The following CD200R1 variants were observed in gnomAD, a reference collection of about 807,000 sequenced individuals.
The protein encoded by CD200R1 is cell surface glycoprotein CD200 receptor 1.
Under a neutral mutation model 38.1 loss-of-function variants are expected in CD200R1, and 30 were observed. The ratio of observed to expected loss-of-function variants is 0.79; its 90% CI spans 0.59 to 1.07. The LOEUF (loss-of-function observed/expected upper bound fraction) is 1.07. Ranked by LOEUF, CD200R1 falls within the 50% of genes least tolerant of loss-of-function variation. The pLI is 0.00. For missense variants in CD200R1, 372 were observed against 415.4 expected (o/e 0.90, Z 0.91); for synonymous variants, 128 against 152.1 (o/e 0.84, Z 1.16).
At chr3:112,969,095 A>G (rs1321794845) in intron 1 of CD200R1, among the ~76,000 whole-genome samples, 1 of 152,198 alleles carries the variant, frequency 6.6e-6, no homozygotes, top group Non-Finnish European at 1.5e-5. Flanking sequence ...AATGAATAAA[A>G]ACACAGAAAA....
At chr3:112,924,356 T>C (rs2107298829) in intron 7 of CD200R1, 134 bp downstream of exon 7, 1 of 488,760 alleles carries the variant, frequency 2.0e-6, no homozygotes. Context: ...TAATCACACA[T>C]ATAAGCACTG....
intron 1 of CD200R1, among the ~76,000 whole-genome samples, chr3:112,966,039 G>A (rs1374206514): frequency 1.3e-5 from 2 of 152,212 alleles, no homozygotes; most frequent in Non-Finnish European, 2.9e-5. Flanking sequence ...GTGGCAAGTA[G>A]CTCGGCAGAG....
chr3:112,954,990 AG>A (rs906326109), intron 1 of CD200R1, among the ~76,000 whole-genome samples: 1 of 152,218 alleles, frequency 6.6e-6, no homozygotes, highest in African/African-American at 2.4e-5. Context: ...GAATTGAATC[AG>A]GATACAACCA....
At chr3:112,956,353 T>G (rs988713463) in intron 1 of CD200R1, among the ~76,000 whole-genome samples, 6 of 152,202 alleles carry the variant, frequency 3.9e-5, no homozygotes, top group African/African-American at 9.6e-5. Context: ...GATTTCTGGT[T>G]TTTTTTTAAA....
intron 1 of CD200R1, among the ~76,000 whole-genome samples, chr3:112,961,494 G>A (rs1933018175): frequency 6.6e-6 from 1 of 151,918 alleles, no homozygotes; most frequent in South Asian, 2.1e-4. Flanking sequence ...TAACATCGTT[G>A]TTTGCCAGAC....
intron 2 of CD200R1, 114 bp downstream of exon 2, chr3:112,947,742 T>C (rs752643521): frequency 1.6e-6 from 1 of 622,324 alleles, no homozygotes; most frequent in Non-Finnish European, 2.9e-6. Context: ...TTAAATATAA[T>C]ATCATTTAGA....
intron 1 of CD200R1, among the ~76,000 whole-genome samples, chr3:112,969,635 G>A (rs897321707): frequency 6.6e-6 from 1 of 152,124 alleles, no homozygotes; most frequent in African/African-American, 2.4e-5. Context: ...TGATTTAGAT[G>A]GAGTTATAAA....
chr3:112,966,527 C>T (rs1168667438), intron 1 of CD200R1, among the ~76,000 whole-genome samples: 1 of 151,808 alleles, frequency 6.6e-6, no homozygotes, highest in Non-Finnish European at 1.5e-5. Flanking sequence ...TTATCAGCAC[C>T]ACAAAATGAA....
intron 2 of CD200R1, among the ~76,000 whole-genome samples, chr3:112,937,038 A>G (rs950346098): frequency 1.3e-5 from 2 of 152,174 alleles, no homozygotes; most frequent in Admixed American, 6.5e-5. Flanking sequence ...ATAAAGACAT[A>G]CCCAAGACTG....
intron 1 of CD200R1, among the ~76,000 whole-genome samples, chr3:112,974,311 T>C (rs1194609143): frequency 6.6e-6 from 1 of 151,976 alleles, no homozygotes; most frequent in Non-Finnish European, 1.5e-5. Flanking sequence ...GTGGCGCATA[T>C]CTGTAGTCCT....
At chr3:112,955,875 T>C (rs2399435) in intron 1 of CD200R1, among the ~76,000 whole-genome samples, 4,290 of 151,954 alleles carry the variant, frequency 0.028, 191 homozygotes, top group East Asian at 0.21. Context: ...CACTTCTAGG[T>C]ACATTTGAGC....
At chr3:112,969,289 C>A (rs1576156703) in intron 1 of CD200R1, among the ~76,000 whole-genome samples, 1 of 151,918 alleles carries the variant, frequency 6.6e-6, no homozygotes, top group South Asian at 2.1e-4. Context: ...AACAGAGAGA[C>A]AAGATATTGG....
chr3:112,969,081 A>T (rs1933235881), intron 1 of CD200R1, among the ~76,000 whole-genome samples: 1 of 152,214 alleles, frequency 6.6e-6, no homozygotes, highest in African/African-American at 2.4e-5. Context: ...ATATACTCAC[A>T]ATGAATGAAT....
chr3:112,931,259 A>ATGAT (rs140160094), intron 2 of CD200R1, 88 bp from the exon 3 acceptor site: 25,213 of 745,008 alleles, frequency 0.034, 1,116 homozygotes, highest in East Asian at 0.19. Context: ...CTTATCCAAC[A>ATGAT]TGATAGGCAA....
In CD200R1 at chr3:112,924,240, A is replaced by C. The variant is rs16860242; in HGVS notation, c.924+250T>G. Among the ~76,000 whole-genome samples, 17,124 of 151,984 alleles carry C rather than the reference A, an allele frequency of 0.11. 1,224 individuals are homozygous for C. Among genetic ancestry groups the C allele is most frequent in the East Asian group, 0.19 (980 of 5,158 alleles). ...CCAATTCATTTCCTCAAAAGATTAC[A>C]GTCTAAAGGAGCCAAACATCATATG... On this transcript the variant is annotated intron_variant, in intron 7 of 7. Coordinates refer to ENST00000308611, the MANE Select transcript of CD200R1 (RefSeq NM_138806.4).
Position 112,947,820 on chromosome 3 carries a change from C to A in CD200R1, c.136+36G>T, listed in dbSNP as rs774544059. On this transcript the variant is annotated intron_variant, in intron 2 of 7. Transcript: ENST00000308611. ...AAAACCTATATGGACATCAAGCACTCCCCTACTAGAATTATTGTTAAAAGA... is the reference window on the plus strand; with the variant it reads ...AAAACCTATATGGACATCAAGCACTACCCTACTAGAATTATTGTTAAAAGA... 9.3e-6 allele frequency: 13 copies of A among 1,399,396 alleles called. 1 individual carries two copies. The highest frequency in any genetic ancestry group is 1.3e-5 in the Non-Finnish European group (13 of 984,454). 86.7% of individuals were successfully genotyped at this position (1,399,396 alleles called of 1,614,324 possible). A position where few individuals can be genotyped will look rare whatever the true frequency, so the allele number is the denominator to read the frequency against.
At chr3:112,966,601 GGT>G (rs1933169916) in intron 1 of CD200R1, among the ~76,000 whole-genome samples, 1 of 151,880 alleles carries the variant, frequency 6.6e-6, no homozygotes, top group Non-Finnish European at 1.5e-5. Context: ...TAGCATTCAT[GGT>G]AAGGTAACAA....
chr3:112,939,828 C>T (rs1209036773), intron 2 of CD200R1, among the ~76,000 whole-genome samples: 1 of 139,654 alleles, frequency 7.2e-6, no homozygotes, highest in African/African-American at 2.7e-5. Flanking sequence ...ACAAAAGACC[C>T]GAAACAGCCA....
Position 112,923,527 on chromosome 3 carries a change from G to T in CD200R1, c.*150C>A, listed in dbSNP as rs1559942540. ...GAATCAAAAATTCCAATTATACAAG[G>T]GTATGAATGAGAATCCATTAAAATG... On this transcript the variant is annotated 3_prime_UTR_variant, in exon 8 of 8. Coordinates refer to ENST00000308611, the MANE Select transcript of CD200R1 (RefSeq NM_138806.4). 1.3e-5 allele frequency: 6 copies of T among 479,350 alleles called. No individual in the cohort carries two copies. Among genetic ancestry groups the T allele is most frequent in the Non-Finnish European group, 1.5e-5 (4 of 269,314 alleles). 29.7% of individuals were successfully genotyped at this position (479,350 alleles called of 1,614,324 possible).
Sources: allele counts gnomAD v4.1 joint callset (sites outside exome capture counted in the v4.1 genomes callset), GRCh38; gene constraint gnomAD v4.1.1; transcripts MANE v1.5; gene names NCBI Gene and HGNC (gene_info 2026-07-23, HGNC 2026-07-21).